Variants in PTPRN2 observed in about 807,000 individuals in gnomAD.
PTPRN2 encodes the protein receptor-type tyrosine-protein phosphatase N2.
PTPRN2 carries 74 observed loss-of-function variants against 118.8 expected under a neutral mutation model. The ratio of observed to expected loss-of-function variants is 0.62; its 90% CI spans 0.52 to 0.76. The LOEUF (loss-of-function observed/expected upper bound fraction) is 0.76, where lower values mean the gene tolerates loss of function less well. PTPRN2 is among the 30% of genes least tolerant of loss of function. The pLI is 0.00. For missense variants in PTPRN2, 1,481 were observed against 1,394.4 expected, an observed-to-expected ratio of 1.06 and a Z score of -0.99; for synonymous variants, 641 against 608.0, an observed-to-expected ratio of 1.05 and a Z score of -0.80.
chr7:157,839,940 C>T (rs549157622), intron 12 of PTPRN2, among the ~76,000 whole-genome samples: 1 of 147,880 alleles, frequency 6.8e-6, no homozygotes, highest in South Asian at 2.2e-4. Context: ...CTGTGTGTGA[C>T]TGCGTGTGAC....
intron 4 of PTPRN2, among the ~76,000 whole-genome samples, chr7:158,201,710 T>A (rs975851739): frequency 2.0e-5 from 3 of 152,196 alleles, no homozygotes; most frequent in African/African-American, 4.8e-5. Context: ...CAATCCTTTA[T>A]CTTAACTGGA....
intron 2 of PTPRN2, among the ~76,000 whole-genome samples, chr7:158,407,127 CTGGGT>C (rs1479818326): frequency 6.7e-5 from 10 of 150,236 alleles, no homozygotes; most frequent in Admixed American, 2.6e-4. Flanking sequence ...GTCCTGGGTC[CTGGGT>C]CCTGCGTCCT....
intron 21 of PTPRN2, among the ~76,000 whole-genome samples, chr7:157,565,513 G>A (rs1202126115): frequency 2.0e-5 from 3 of 152,144 alleles, no homozygotes; most frequent in African/African-American, 7.2e-5. Flanking sequence ...TCCGGCCCAG[G>A]CGCAGACCCT....
intron 13 of PTPRN2, among the ~76,000 whole-genome samples, chr7:157,667,308 C>T (rs1221207322): frequency 1.6e-4 from 17 of 109,264 alleles, no homozygotes; most frequent in East Asian, 6.0e-4. Flanking sequence ...GTGGGTGCAA[C>T]GAGTACACAG....
intron 2 of PTPRN2, among the ~76,000 whole-genome samples, chr7:158,355,575 C>T (rs1364799162): frequency 6.6e-6 from 1 of 152,204 alleles, no homozygotes; most frequent in Non-Finnish European, 1.5e-5. Flanking sequence ...GAGGCAGGAG[C>T]AGTCAGGCAG....
intron 1 of PTPRN2, among the ~76,000 whole-genome samples, chr7:158,575,535 T>C (rs1018303379): frequency 2.6e-5 from 4 of 152,160 alleles, no homozygotes; most frequent in African/African-American, 9.7e-5. Context: ...CAGCTAATTT[T>C]TTACATTTTT....
chr7:157,792,632 C>T (rs1456566629), intron 12 of PTPRN2, among the ~76,000 whole-genome samples: 2 of 152,220 alleles, frequency 1.3e-5, no homozygotes, highest in Non-Finnish European at 2.9e-5. Context: ...GCTCACAGAA[C>T]ACCTTGTAAG....
intron 1 of PTPRN2, among the ~76,000 whole-genome samples, chr7:158,564,249 G>C (rs1827545423): frequency 1.4e-5 from 2 of 146,190 alleles, no homozygotes; most frequent in South Asian, 4.9e-4. Context: ...TGTTTCAAAT[G>C]AGTATTATGA....
chr7:157,726,143 T>C (rs13310496), intron 12 of PTPRN2, among the ~76,000 whole-genome samples: 673 of 22,422 alleles, frequency 0.03, 5 homozygotes, highest in Middle Eastern at 0.071. Flanking sequence ...TGAGCCAGAC[T>C]CTCGCCTCCC....
intron 11 of PTPRN2, among the ~76,000 whole-genome samples, chr7:158,077,715 A>G (rs1812487126): frequency 6.6e-6 from 1 of 152,192 alleles, no homozygotes; most frequent in Non-Finnish European, 1.5e-5. Context: ...AGGCAGCCCC[A>G]CAGGCCACCG....
chr7:158,209,439 T>A (rs886328540), intron 3 of PTPRN2, among the ~76,000 whole-genome samples: 1 of 152,084 alleles, frequency 6.6e-6, no homozygotes, highest in Non-Finnish European at 1.5e-5. Flanking sequence ...AAGACAAAAC[T>A]AGCAAAAGAG....
rs62772861 is a variant in PTPRN2 at position 157,881,744 on chromosome 7, A to T, written c.1788+16929T>A. On this transcript the variant is annotated intron_variant, in intron 12 of 22. Transcript: ENST00000389418. The surrounding 1 kb of genome is among the most constrained non-coding windows in gnomAD (Gnocchi z 4.7). ...GTTCTTTTTGCTTTATGATCTCATTAAAAAAAAAAAAATAGATTGGCACTT... is the reference window on the plus strand; with the variant it reads ...GTTCTTTTTGCTTTATGATCTCATTTAAAAAAAAAAAATAGATTGGCACTT... 2.3e-5 allele frequency among the ~76,000 whole-genome samples: 2 copies of T among 86,226 alleles called. No individual in the cohort carries two copies. The highest frequency in any genetic ancestry group is 2.3e-5 in the Non-Finnish European group (1 of 43,580). The allele number at this position is 86,226 out of a possible 152,430, so 56.6% of individuals were successfully genotyped here.
chr7:157,838,719 C>T, intron 12 of PTPRN2, among the ~76,000 whole-genome samples: 4 of 394 alleles, frequency 0.01, no homozygotes, highest in African/African-American at 0.028. Context: ...TCCTCTCCGC[C>T]GTGGCTACTC....
At chr7:158,041,174 T>C (rs1330576498) in intron 11 of PTPRN2, among the ~76,000 whole-genome samples, 2 of 152,178 alleles carry the variant, frequency 1.3e-5, no homozygotes, top group Non-Finnish European at 2.9e-5. Context: ...GCAGAGGCCC[T>C]GGAGAATCCT....
chr7:158,509,785 G>C lies in PTPRN2; in HGVS notation c.113-20000C>G, dbSNP rs944094422. On this transcript the variant is annotated intron_variant, in intron 1 of 22. Coordinates refer to ENST00000389418, the MANE Select transcript of PTPRN2 (RefSeq NM_002847.5). The surrounding 1 kb of genome is among the most constrained non-coding windows in gnomAD (Gnocchi z 4.4). ...ACGGGCAGAGTGGCAGTGGAGGGCT[G>C]GCATGCACACAGAGGATGGTGACTT... Among the ~76,000 whole-genome samples, 1 of 152,178 alleles carries C rather than the reference G, an allele frequency of 6.6e-6. No individual in the cohort carries two copies. The highest frequency in any genetic ancestry group is 1.5e-5 in the Non-Finnish European group (1 of 68,016).
intron 11 of PTPRN2, among the ~76,000 whole-genome samples, chr7:158,070,032 G>A (rs1240601085): frequency 6.6e-6 from 1 of 152,222 alleles, no homozygotes; most frequent in Non-Finnish European, 1.5e-5. Context: ...CCAAGCTCTT[G>A]TTTTTCCTTC....
At chr7:158,116,470 G>C (rs1401687205) in intron 9 of PTPRN2, among the ~76,000 whole-genome samples, 2 of 152,208 alleles carry the variant, frequency 1.3e-5, no homozygotes, top group Non-Finnish European at 2.9e-5. Context: ...AGGAGCTACC[G>C]CTACTCACCT....
chr7:157,855,106 G>A (rs561739990), intron 12 of PTPRN2, among the ~76,000 whole-genome samples: 3 of 151,584 alleles, frequency 2.0e-5, no homozygotes, highest in Admixed American at 6.6e-5. Context: ...ATGTGTGTGG[G>A]GCCGGATCGG....
intron 19 of PTPRN2, among the ~76,000 whole-genome samples, chr7:157,572,231 G>T (rs1799791020): frequency 6.6e-6 from 1 of 152,044 alleles, no homozygotes; most frequent in Non-Finnish European, 1.5e-5. Context: ...AATGAAACAT[G>T]TTTATGAAGT....
Sources: allele counts gnomAD v4.1 joint callset (sites outside exome capture counted in the v4.1 genomes callset), GRCh38; gene constraint gnomAD v4.1.1; non-coding constraint Gnocchi (gnomAD v3.1); transcripts MANE v1.5; gene names NCBI Gene and HGNC (gene_info 2026-07-23, HGNC 2026-07-21).